Variants in FAT2 observed in about 807,000 individuals in gnomAD.
The protein encoded by FAT2 is FAT atypical cadherin 2.
Under a neutral mutation model 295.3 loss-of-function variants are expected in FAT2, and 150 were observed. That is an observed-to-expected ratio of 0.51 (90% confidence interval 0.44 to 0.58). FAT2 has a LOEUF of 0.58. Ranked by LOEUF, FAT2 falls within the 20% of genes least tolerant of loss-of-function variation. The pLI, the probability that FAT2 is intolerant of heterozygous loss-of-function variation, is 0.00. For synonymous variants in FAT2, 2,026 were observed against 2,150.3 expected (o/e 0.94, Z 1.60); for missense variants, 4,868 against 5,442.7 (o/e 0.89, Z 3.32).
At chr5:151,513,572 A>G (rs1752538179) in intron 20 of FAT2, among the ~76,000 whole-genome samples, 1 of 151,956 alleles carries the variant, frequency 6.6e-6, no homozygotes, top group Non-Finnish European at 1.5e-5. Context: ...AGAAGGGAAC[A>G]ATAGACATCA....
chr5:151,537,235 A>AG, intron 12 of FAT2, among the ~76,000 whole-genome samples: 1 of 114,932 alleles, frequency 8.7e-6, no homozygotes, highest in Admixed American at 9.2e-5. Context: ...AGGAGGAGGA[A>AG]GAAGAAGAAA....
At position 151,544,778 on chromosome 5, in the gene FAT2, G is replaced by T; in HGVS notation, c.6349C>A (p.Arg2117=). The T allele has an allele frequency of 1.9e-6, 3 of 1,614,124 alleles. No individual in the cohort carries two copies. The highest frequency in any genetic ancestry group is 1.7e-6 in the Non-Finnish European group (2 of 1,180,024). ...YEFAEDYTYF[R]IDPYLGDISL... ...ATGTCCCCAAGATAGGGGTCAATTCGGAAATATGTGTAATCTTCTGCAAAT... is the reference window on the plus strand; with the variant it reads ...ATGTCCCCAAGATAGGGGTCAATTCTGAAATATGTGTAATCTTCTGCAAAT... Residue 2117 remains arginine, a synonymous_variant, in exon 10 of 24, where the codon CGA becomes AGA. Coordinates refer to ENST00000261800, the MANE Select transcript of FAT2 (RefSeq NM_001447.3).
At chr5:151,549,260 G>C (rs775443751) in intron 9 of FAT2, 35 bp downstream of exon 9, 9 of 1,595,132 alleles carry the variant, frequency 5.6e-6, no homozygotes, top group Admixed American at 1.7e-5. Flanking sequence ...AAAGCATCTT[G>C]ACCCATCCTC....
chr5:151,528,818 C>G (rs1581337775), intron 15 of FAT2, among the ~76,000 whole-genome samples: 1 of 152,300 alleles, frequency 6.6e-6, no homozygotes, highest in East Asian at 1.9e-4. Flanking sequence ...TGCCCCACAA[C>G]TGTCATTCCA....
At chr5:151,562,016 C>T (rs1384439127) in intron 3 of FAT2, among the ~76,000 whole-genome samples, 1 of 152,148 alleles carries the variant, frequency 6.6e-6, no homozygotes, top group African/African-American at 2.4e-5. Context: ...CAGGGAGGGA[C>T]AGGGTAGGCC....
chr5:151,587,529 C>T (rs1167951872), intron 1 of FAT2, among the ~76,000 whole-genome samples: 1 of 152,144 alleles, frequency 6.6e-6, no homozygotes, highest in Non-Finnish European at 1.5e-5. Flanking sequence ...TCTCATTCAG[C>T]CTTTAAAACT....
At chr5:151,574,989 G>A (rs924468997) in intron 1 of FAT2, among the ~76,000 whole-genome samples, 1 of 152,230 alleles carries the variant, frequency 6.6e-6, no homozygotes, top group Non-Finnish European at 1.5e-5. Flanking sequence ...GGACTGCAGG[G>A]AAAACAGATA....
chr5:151,554,628 T>G lies in FAT2; in HGVS notation c.3679A>C (p.Arg1227=), dbSNP rs1374469120. 6.2e-7 allele frequency: 1 copy of G among 1,614,066 alleles called. No homozygotes were observed. The highest frequency in any genetic ancestry group is 8.5e-7 in the Non-Finnish European group (1 of 1,179,944). Residue 1227 remains arginine (R), a synonymous_variant, in exon 5 of 24, where the codon AGG becomes CGG. Coordinates refer to ENST00000261800, the MANE Select transcript of FAT2 (RefSeq NM_001447.3). ...ACGTCCAAGATGCCTACCACCACCC[T>G]GGAGGTGGACTTCAGTGAGGGTTCC... ...NGEPSLKSTS[R]VVVGILDVND...
chr5:151,505,971 A>C lies in FAT2; in HGVS notation c.12644T>G (p.Val4215Gly). The C allele has an allele frequency of 1.9e-6, 3 of 1,571,536 alleles. No homozygotes were observed. The highest frequency in any genetic ancestry group is 2.6e-6 in the Non-Finnish European group (3 of 1,162,820). Residue 4215 changes from valine to glycine, a missense_variant, in exon 24 of 24, where the codon GTG (valine) becomes GGG (glycine). Val to Gly is a moderately radical substitution (Grantham distance 109). Coordinates refer to ENST00000261800, the MANE Select transcript of FAT2 (RefSeq NM_001447.3). ...PSAHRHSTPV[V>G]MPEPNGLYGG... ...ATAGAGGCCATTAGGCTCTGGCATC[A>C]CGACTGGGGTTGAGTGGCGGTGAGC...
Position 151,554,359 on chromosome 5 carries a change from C to A in FAT2, c.3945+3G>T, listed in dbSNP as rs1263069665. 1.2e-6 allele frequency: 2 copies of A among 1,607,566 alleles called. No individual in the cohort carries two copies. Among genetic ancestry groups the A allele is most frequent in the South Asian group, 1.1e-5 (1 of 90,528 alleles). ...CCTCCGTGGCTTCCTTCTGTCTGCT[C>A]ACCGTTAGGATGTTGTACTCTCCAG... is the stretch of plus-strand genomic sequence containing the variant. On this transcript the variant is annotated splice_donor_region_variant and intron_variant, in intron 5 of 23. Coordinates refer to ENST00000261800, the MANE Select transcript of FAT2 (RefSeq NM_001447.3).
At chr5:151,516,341 C>T (rs1274222143) in intron 20 of FAT2, among the ~76,000 whole-genome samples, 2 of 152,120 alleles carry the variant, frequency 1.3e-5, no homozygotes, top group East Asian at 3.9e-4. Context: ...GAAACCTCGT[C>T]TCTGCTAAAG....
intron 22 of FAT2, among the ~76,000 whole-genome samples, chr5:151,509,083 A>G (rs1761110952): frequency 6.6e-6 from 1 of 152,210 alleles, no homozygotes; most frequent in Non-Finnish European, 1.5e-5. Flanking sequence ...CCCACACAGT[A>G]TGAGGCACAG....
Position 151,507,321 on chromosome 5 carries a change from G to A in FAT2, c.12350C>T (p.Pro4117Leu), listed in dbSNP as rs1105168. The change falls in exon 23 of 24, where the codon CCG (proline) becomes CTG (leucine). Residue 4117 changes from proline (P) to leucine (L), a missense_variant. Physicochemically the swap from Pro to Leu is moderately conservative, Grantham distance 98. This residue lies in a region of FAT2 where 492 missense variants were observed against 482.6 expected (regional missense o/e 1.02). Coordinates refer to ENST00000261800, the MANE Select transcript of FAT2 (RefSeq NM_001447.3). ...TGGAACAGAGGCCTTGCTGGGTTCC[G>A]GTTGGTTGAGGTTGTTGCAGGAGCT... ...SASSCNNLNQPEPSKASVPNE... is the reference protein window; with the variant it reads ...SASSCNNLNQLEPSKASVPNE... 966,608 of 1,613,958 alleles carry A rather than the reference G, an allele frequency of 0.6. 297,016 individuals are homozygous for A. The highest frequency in any genetic ancestry group is 0.86 in the African/African-American group (64,824 of 74,982).
At chr5:151,578,569 A>C (rs575269353) in intron 1 of FAT2, among the ~76,000 whole-genome samples, 68 of 152,366 alleles carry the variant, frequency 4.5e-4, no homozygotes, top group African/African-American at 1.6e-3. Flanking sequence ...GTGGTTCCCC[A>C]AAAAATAAAA....
intron 1 of FAT2, among the ~76,000 whole-genome samples, chr5:151,581,259 G>C (rs773346621): frequency 2.6e-5 from 4 of 152,152 alleles, no homozygotes; most frequent in Non-Finnish European, 4.4e-5. Flanking sequence ...TGAGATGAAG[G>C]GCATAAAGCG....
chr5:151,555,554 C>T (rs1246365148), intron 4 of FAT2, among the ~76,000 whole-genome samples: 1 of 151,690 alleles, frequency 6.6e-6, no homozygotes, highest in Non-Finnish European at 1.5e-5. Flanking sequence ...ATTTTTAGTA[C>T]AGATGGGGTT....
intron 20 of FAT2, among the ~76,000 whole-genome samples, chr5:151,514,907 C>T (rs562376226): frequency 6.6e-6 from 1 of 152,370 alleles, no homozygotes; most frequent in South Asian, 2.1e-4. Context: ...TATCATTCCA[C>T]AGCATACACA....
At chr5:151,517,488 A>T in intron 20 of FAT2, 132 bp downstream of exon 20, 2 of 1,136,878 alleles carry the variant, frequency 1.8e-6, no homozygotes, top group Non-Finnish European at 2.5e-6. Context: ...CAACAGTCAC[A>T]CCCAGAATCC....
Position 151,566,955 on chromosome 5 carries a change from C to T in FAT2, c.1977G>A (p.Val659=). ...CAGGAACTTCAAAATGAGGGTCCTT[C>T]ACCACAGTAATATTCAAAGTTGTGG... ...ASPTTLNITV[V]KDPHFEVPVT... Residue 659 remains valine (V), a synonymous_variant, in exon 2 of 24, where the codon GTG becomes GTA. Transcript: ENST00000261800. 6.2e-7 allele frequency: 1 copy of T among 1,614,106 alleles called. No individual in the cohort carries two copies. The highest frequency in any genetic ancestry group is 1.1e-5 in the South Asian group (1 of 91,076).
Sources: allele counts gnomAD v4.1 joint callset (sites outside exome capture counted in the v4.1 genomes callset), GRCh38; gene constraint gnomAD v4.1.1; regional missense constraint gnomAD v4.1.1; transcripts MANE v1.5; gene names NCBI Gene and HGNC (gene_info 2026-07-23, HGNC 2026-07-21).